EBF1: variants seen among roughly 807,000 people sequenced by gnomAD.
The protein encoded by EBF1 is EBF transcription factor 1.
In EBF1, 10 loss-of-function variants were observed where a neutral mutation model predicts 68.4. That is an observed-to-expected ratio of 0.15 (90% confidence interval 0.09 to 0.25). EBF1 has a LOEUF of 0.25. Ranked by LOEUF, EBF1 falls within the 10% of genes least tolerant of loss-of-function variation. The pLI, the probability that EBF1 is intolerant of heterozygous loss-of-function variation, is 1.00. For synonymous variants in EBF1, 298 were observed against 299.8 expected (o/e 0.99, Z 0.06); for missense variants, 509 against 794.4 (o/e 0.64, Z 4.32).
At chr5:158,815,367 ATTCT>A (rs1207381610) in intron 8 of EBF1, among the ~76,000 whole-genome samples, 13 of 152,168 alleles carry the variant, frequency 8.5e-5, no homozygotes, top group Non-Finnish European at 1.5e-4. Context: ...TAAGTTATTG[ATTCT>A]TTCTAAACCT....
intron 6 of EBF1, among the ~76,000 whole-genome samples, chr5:158,945,448 G>C (rs1313273920): frequency 6.6e-6 from 1 of 152,096 alleles, no homozygotes; most frequent in Non-Finnish European, 1.5e-5. Flanking sequence ...TTTTGGTACT[G>C]GTACCATGAA....
chr5:158,959,996 T>C (rs762995259), intron 6 of EBF1, among the ~76,000 whole-genome samples: 2 of 152,156 alleles, frequency 1.3e-5, no homozygotes, highest in Non-Finnish European at 2.9e-5. Flanking sequence ...GACACCTACA[T>C]TGTCCCTGGA....
chr5:159,030,552 T>C (rs1173841795), intron 6 of EBF1, among the ~76,000 whole-genome samples: 8 of 152,112 alleles, frequency 5.3e-5, no homozygotes, highest in Admixed American at 4.6e-4. Flanking sequence ...TGTGGATCCT[T>C]ACAGGGACAA....
intron 6 of EBF1, among the ~76,000 whole-genome samples, chr5:158,921,417 A>T (rs1178448978): frequency 6.6e-6 from 1 of 152,116 alleles, no homozygotes; most frequent in African/African-American, 2.4e-5. Context: ...GCCCTTTAGG[A>T]CTCGCATCTG....
intron 6 of EBF1, among the ~76,000 whole-genome samples, chr5:158,911,575 T>C (rs1270770042): frequency 6.6e-6 from 1 of 152,180 alleles, no homozygotes; most frequent in East Asian, 1.9e-4. Context: ...TATAATCCAT[T>C]ACCACTGCAA....
At chr5:159,033,792 T>C (rs1454854914) in intron 6 of EBF1, among the ~76,000 whole-genome samples, 3 of 152,210 alleles carry the variant, frequency 2.0e-5, no homozygotes, top group African/African-American at 7.2e-5. Context: ...AATTAGCTTT[T>C]TTTCTGGAAT....
chr5:158,866,951 A>G (rs1215429799), intron 6 of EBF1, among the ~76,000 whole-genome samples: 1 of 149,200 alleles, frequency 6.7e-6, no homozygotes, highest in African/African-American at 2.5e-5. Context: ...AAACTAACAA[A>G]GCATGCCAAC....
intron 8 of EBF1, among the ~76,000 whole-genome samples, chr5:158,820,652 C>T (rs1380533240): frequency 5.9e-5 from 9 of 152,300 alleles, no homozygotes; most frequent in African/African-American, 1.9e-4. Flanking sequence ...GGAAATAGGA[C>T]ATACCTATGT....
At chr5:158,740,498 T>TA (rs1561794610) in intron 10 of EBF1, among the ~76,000 whole-genome samples, 2 of 152,196 alleles carry the variant, frequency 1.3e-5, no homozygotes, top group South Asian at 2.1e-4. Flanking sequence ...AGAATGGTGA[T>TA]AAAAAAGTGA....
chr5:158,713,588 G>A (rs1759954973), intron 12 of EBF1, among the ~76,000 whole-genome samples: 1 of 152,196 alleles, frequency 6.6e-6, no homozygotes, highest in African/African-American at 2.4e-5. Context: ...AGGGAAGGCT[G>A]TAGATGACTA....
At chr5:158,726,342 T>C (rs1449728765) in intron 11 of EBF1, among the ~76,000 whole-genome samples, 1 of 152,108 alleles carries the variant, frequency 6.6e-6, no homozygotes, top group Non-Finnish European at 1.5e-5. Flanking sequence ...TATAAATGCA[T>C]TAGTTAGACA....
chr5:159,096,921 C>T, intron 2 of EBF1, 53 bp downstream of exon 2: 1 of 1,594,982 alleles, frequency 6.3e-7, no homozygotes, highest in East Asian at 2.2e-5. Context: ...GGCTCCCGGG[C>T]CTGCTCCCGA....
At chr5:158,860,813 T>C (rs3756665) in intron 6 of EBF1, among the ~76,000 whole-genome samples, 8,027 of 152,218 alleles carry the variant, frequency 0.053, 293 homozygotes, top group Non-Finnish European at 0.071. Context: ...CATAAATCCC[T>C]TTTGCCTCAG....
At chr5:159,060,906 CTAGATT>C (rs1561915135) in intron 6 of EBF1, among the ~76,000 whole-genome samples, 1 of 147,980 alleles carries the variant, frequency 6.8e-6, no homozygotes, top group Non-Finnish European at 1.5e-5. Flanking sequence ...ATTTTATTTT[CTAGATT>C]TAGAGAGGGT....
At chr5:158,899,688 G>T (rs1427560576) in intron 6 of EBF1, among the ~76,000 whole-genome samples, 3 of 151,844 alleles carry the variant, frequency 2.0e-5, no homozygotes, top group Non-Finnish European at 2.9e-5. Context: ...ACAGAAGATG[G>T]CAGCTCCCAC....
chr5:158,986,373 T>A (rs1759076867), intron 6 of EBF1: 1 of 152,178 alleles, frequency 6.6e-6, no homozygotes. Flanking sequence ...TCCCCTAGGT[T>A]TCCTAGGCTG....
intron 6 of EBF1, among the ~76,000 whole-genome samples, chr5:158,979,903 G>T (rs1006849079): frequency 1.3e-5 from 2 of 152,076 alleles, no homozygotes; most frequent in African/African-American, 4.8e-5. Context: ...GTCATTCTCT[G>T]GCCCCTTCCC....
At chr5:158,752,467 C>T (rs866157791) in intron 10 of EBF1, among the ~76,000 whole-genome samples, 1 of 151,834 alleles carries the variant, frequency 6.6e-6, no homozygotes, top group Non-Finnish European at 1.5e-5. Context: ...CAGAAATAGA[C>T]GGTTCATCTC....
chr5:158,877,072 T>C (rs1244293985), intron 6 of EBF1, among the ~76,000 whole-genome samples: 1 of 152,196 alleles, frequency 6.6e-6, no homozygotes, highest in East Asian at 1.9e-4. Flanking sequence ...GGCATGTATT[T>C]TCTTGAAGCC....
Sources: gnomAD v4.1 joint callset for allele counts (sites outside exome capture counted in the v4.1 genomes callset) on GRCh38, gnomAD v4.1.1 for gene constraint, MANE v1.5 for transcripts, NCBI Gene and HGNC (gene_info 2026-07-23, HGNC 2026-07-21) for gene names.